Variants in LAMA2 observed in about 807,000 individuals in gnomAD.
LAMA2 encodes laminin subunit alpha 2.
A neutral mutation model predicts 364.8 loss-of-function variants in LAMA2; 269 were observed. The ratio of observed to expected loss-of-function variants is 0.74; its 90% CI spans 0.67 to 0.82. The LOEUF (loss-of-function observed/expected upper bound fraction) is 0.82. LAMA2 is among the 40% of genes least tolerant of loss of function. The pLI, the probability that LAMA2 is intolerant of heterozygous loss-of-function variation, is 0.00. For synonymous variants in LAMA2, 1,379 were observed against 1,370.6 expected (o/e 1.01, Z -0.14); for missense variants, 3,807 against 3,873.2 (o/e 0.98, Z 0.45).
intron 32 of LAMA2, among the ~76,000 whole-genome samples, chr6:129,363,904 T>C (rs1017222541): frequency 1.3e-5 from 2 of 152,260 alleles, no homozygotes; most frequent in East Asian, 1.9e-4. Flanking sequence ...GAAGTTTGCA[T>C]TGAACGGGGC....
intron 1 of LAMA2, among the ~76,000 whole-genome samples, chr6:128,895,509 G>A (rs1361286882): frequency 1.3e-5 from 2 of 151,104 alleles, no homozygotes; most frequent in African/African-American, 4.9e-5. Context: ...TTAGCCGGGC[G>A]TGGTGGCGGG....
intron 58 of LAMA2, among the ~76,000 whole-genome samples, chr6:129,501,990 GT>G (rs771715173): frequency 6.6e-6 from 1 of 152,190 alleles, no homozygotes; most frequent in Non-Finnish European, 1.5e-5. Context: ...ATTAAACCAT[GT>G]GACTGCACAG....
intron 1 of LAMA2, among the ~76,000 whole-genome samples, chr6:128,942,187 C>A (rs978686822): frequency 6.6e-6 from 1 of 151,916 alleles, no homozygotes; most frequent in African/African-American, 2.4e-5. Flanking sequence ...CCATAACTTT[C>A]GTGTTTTTTC....
At chr6:129,036,830 C>T (rs1462449266) in intron 1 of LAMA2, among the ~76,000 whole-genome samples, 2 of 152,074 alleles carry the variant, frequency 1.3e-5, no homozygotes, top group Admixed American at 1.3e-4. Context: ...TTCTTTCTTT[C>T]CCCCCAGCTC....
chr6:129,196,426 A>G (rs1293153932), intron 12 of LAMA2, among the ~76,000 whole-genome samples: 1 of 152,230 alleles, frequency 6.6e-6, no homozygotes, highest in Non-Finnish European at 1.5e-5. Context: ...CATGCTTAAC[A>G]CAAACAAACA....
chr6:129,209,784 A>G (rs1782962632), intron 12 of LAMA2, among the ~76,000 whole-genome samples: 1 of 152,002 alleles, frequency 6.6e-6, no homozygotes, highest in African/African-American at 2.4e-5. Context: ...CGGGCGGATA[A>G]CGAGGTCAGG....
chr6:129,493,897 T>G (rs1227137370), intron 58 of LAMA2, among the ~76,000 whole-genome samples: 2 of 152,218 alleles, frequency 1.3e-5, no homozygotes, highest in Non-Finnish European at 2.9e-5. Context: ...TAATAGACCA[T>G]GGTAGGCTAT....
chr6:129,486,607 T>C lies in LAMA2; in HGVS notation c.7883T>C (p.Val2628Ala), dbSNP rs1226815748. Residue 2628 changes from valine (V) to alanine (A), a missense_variant, in exon 56 of 65, where the codon GTA becomes GCA. Physicochemically the swap from Val to Ala is moderately conservative, Grantham distance 64. Coordinates refer to ENST00000421865, the MANE Select transcript of LAMA2 (RefSeq NM_000426.4). ...GATGGAAGAGAACATTCCGTTCATG[T>C]AGAGCGAACTAGAGGGTAACAATAG... is the stretch of plus-strand genomic sequence containing the variant. Reference protein sequence around the residue: ...FHDGREHSVHVERTRGIFTVQ... With the variant: ...FHDGREHSVHAERTRGIFTVQ... 2 of 1,613,746 alleles carry C rather than the reference T, an allele frequency of 1.2e-6. No homozygotes were observed. The highest frequency in any genetic ancestry group is 3.3e-5 in the Admixed American group (2 of 60,012).
intron 4 of LAMA2, among the ~76,000 whole-genome samples, chr6:129,105,794 T>C (rs1775786906): frequency 6.6e-6 from 1 of 152,162 alleles, no homozygotes; most frequent in Admixed American, 6.6e-5. Context: ...AGTAATAATA[T>C]TGAGGAGGAC....
At chr6:129,081,596 G>T (rs1247204281) in intron 3 of LAMA2, among the ~76,000 whole-genome samples, 2 of 152,140 alleles carry the variant, frequency 1.3e-5, no homozygotes, top group Non-Finnish European at 2.9e-5. Flanking sequence ...TAAACACTGT[G>T]CTGGAAGATT....
chr6:129,144,875 G>A (rs527688470), intron 5 of LAMA2, among the ~76,000 whole-genome samples: 1 of 152,086 alleles, frequency 6.6e-6, no homozygotes, highest in Admixed American at 6.6e-5. Flanking sequence ...ACAGGAATTT[G>A]TGGGATTACA....
At chr6:129,169,709 A>G (rs1403318165) in intron 9 of LAMA2, among the ~76,000 whole-genome samples, 1 of 135,406 alleles carries the variant, frequency 7.4e-6, no homozygotes, top group East Asian at 2.1e-4. Flanking sequence ...CTCTTTTTCT[A>G]TTGATTGGAA....
At chr6:129,065,702 G>T (rs1297583892) in intron 3 of LAMA2, among the ~76,000 whole-genome samples, 1 of 152,060 alleles carries the variant, frequency 6.6e-6, no homozygotes, top group Non-Finnish European at 1.5e-5. Flanking sequence ...TAACCAAGAG[G>T]ATTGCTATGA....
At chr6:128,948,532 C>T (rs190421433) in intron 1 of LAMA2, among the ~76,000 whole-genome samples, 1 of 152,266 alleles carries the variant, frequency 6.6e-6, no homozygotes, top group Non-Finnish European at 1.5e-5. Context: ...ACACCTTCCT[C>T]TAAACATTAG....
chr6:129,335,742 G>A (rs796136808), intron 29 of LAMA2, among the ~76,000 whole-genome samples: 32 of 152,182 alleles, frequency 2.1e-4, no homozygotes, highest in African/African-American at 7.2e-4. Context: ...GAGATTGTTA[G>A]CATTATACTA....
intron 1 of LAMA2, among the ~76,000 whole-genome samples, chr6:128,938,443 G>A (rs777820542): frequency 9.9e-5 from 15 of 152,068 alleles, no homozygotes; most frequent in Non-Finnish European, 2.9e-5. Context: ...TTTATTGTCC[G>A]ATGTTTTAGA....
chr6:129,499,070 G>A (rs376885067), intron 58 of LAMA2, among the ~76,000 whole-genome samples: 26 of 152,100 alleles, frequency 1.7e-4, no homozygotes, highest in African/African-American at 5.8e-4. Flanking sequence ...GCACCACCAC[G>A]CGAGACTCCC....
chr6:129,115,056 T>C (rs1284750523), intron 4 of LAMA2, among the ~76,000 whole-genome samples: 3 of 152,070 alleles, frequency 2.0e-5, no homozygotes, highest in African/African-American at 7.2e-5. Flanking sequence ...TGTATGACAA[T>C]GACTTCTATT....
chr6:128,883,379 G>C, intron 1 of LAMA2, 22 bp downstream of exon 1: 1 of 1,571,720 alleles, frequency 6.4e-7, no homozygotes, highest in Non-Finnish European at 8.6e-7. Flanking sequence ...GCATGGGCTT[G>C]GGTTGCATCC....
Sources: gnomAD v4.1 joint callset for allele counts (sites outside exome capture counted in the v4.1 genomes callset) on GRCh38, gnomAD v4.1.1 for gene constraint, MANE v1.5 for transcripts, NCBI Gene and HGNC (gene_info 2026-07-23, HGNC 2026-07-21) for gene names.